Variants in SEPSECS observed in about 807,000 individuals in gnomAD.
SEPSECS encodes O-phosphoseryl-tRNA(Sec) selenium transferase.
In SEPSECS, 42 loss-of-function variants were observed where a neutral mutation model predicts 52.1. That is an observed-to-expected ratio of 0.81 (90% CI 0.63 to 1.04). SEPSECS has a LOEUF of 1.04. SEPSECS is among the 50% of genes least tolerant of loss of function. The pLI is 0.00. For synonymous variants in SEPSECS, 216 were observed against 211.4 expected (o/e 1.02, Z -0.19); for missense variants, 590 against 610.6 (o/e 0.97, Z 0.36).
At chr4:25,156,998 C>T in intron 2 of SEPSECS, 24 bp from the exon 3 acceptor site, 1 of 1,215,376 alleles carries the variant, frequency 8.2e-7, no homozygotes, top group Non-Finnish European at 1.2e-6. Context: ...GGGCCAAAAA[C>T]TGGACAAATA....
intron 8 of SEPSECS, among the ~76,000 whole-genome samples, chr4:25,138,914 A>G (rs984660171): frequency 1.3e-5 from 2 of 152,164 alleles, no homozygotes; most frequent in Non-Finnish European, 2.9e-5. Flanking sequence ...CAAAACATAA[A>G]CTCTCAAATA....
chr4:25,138,104 T>C (rs1329270030), intron 8 of SEPSECS, among the ~76,000 whole-genome samples: 1 of 152,090 alleles, frequency 6.6e-6, no homozygotes, highest in Non-Finnish European at 1.5e-5. Context: ...AAATAGCTAA[T>C]GCGTGCTGGG....
upstream of SEPSECS, chr4:25,160,516 A>C (rs1560339778): frequency 6.1e-6 from 4 of 657,594 alleles, no homozygotes; most frequent in East Asian, 2.9e-5. Flanking sequence ...AACAAAAAAA[A>C]CACTTCTCGT....
At chr4:25,132,446 G>GC (rs1163228842) in intron 8 of SEPSECS, among the ~76,000 whole-genome samples, 1 of 152,074 alleles carries the variant, frequency 6.6e-6, no homozygotes, top group Non-Finnish European at 1.5e-5. Flanking sequence ...CAGTTCAAAA[G>GC]CAAGTCCATT....
chr4:25,121,533 T>C lies in SEPSECS; in HGVS notation c.*2398A>G, dbSNP rs997635068. On this transcript the variant is annotated 3_prime_UTR_variant, in exon 11 of 11. Transcript: ENST00000382103. Reference sequence around the variant, plus strand: ...CTTACCAATCAGTACTAGCGAATTATAATAAATACATCCTTTTTAATACTT... The same window carrying C: ...CTTACCAATCAGTACTAGCGAATTACAATAAATACATCCTTTTTAATACTT... 1 of 152,174 alleles carries C rather than the reference T, an allele frequency of 6.6e-6. No homozygotes were observed. The highest frequency in any genetic ancestry group is 2.4e-5 in the African/African-American group (1 of 41,454). 9.4% of individuals were successfully genotyped at this position (152,174 alleles called of 1,614,324 possible). A position where few individuals can be genotyped will look rare whatever the true frequency, so the allele number is the denominator to read the frequency against.
chr4:25,148,270 G>A (rs573164561), intron 6 of SEPSECS, among the ~76,000 whole-genome samples: 14 of 150,384 alleles, frequency 9.3e-5, no homozygotes, highest in Admixed American at 2.0e-4. Flanking sequence ...GGAGAATGGC[G>A]TGAACCTGGG....
chr4:25,129,394 C>A (rs1383089000), intron 8 of SEPSECS, among the ~76,000 whole-genome samples: 1 of 151,836 alleles, frequency 6.6e-6, no homozygotes, highest in Non-Finnish European at 1.5e-5. Flanking sequence ...GAGGCTGAGG[C>A]AGGTGGATCA....
rs772393654 is a variant in SEPSECS, at chr4:25,160,262, C to T, written c.108G>A (p.Leu36=). 6.4e-7 allele frequency: 1 copy of T among 1,555,538 alleles called. No homozygotes were observed. The highest frequency in any genetic ancestry group is 1.7e-4 in the Middle Eastern group (1 of 5,984). The change falls in exon 1 of 11, where the codon CTG becomes CTA. Residue 36 remains leucine, a synonymous_variant. Transcript: ENST00000382103. ...RSHEHLIRLL[L]EKGKCPENGW... is the part of the protein sequence containing the mutation. ...GGGACCGACAGCTCGGTACCTTCTC[C>T]AGAAGCAGCCGTATGAGGTGCTCAT...
intron 3 of SEPSECS, among the ~76,000 whole-genome samples, chr4:25,156,562 G>A (rs1406095446): frequency 2.0e-5 from 3 of 151,502 alleles, no homozygotes; most frequent in Non-Finnish European, 1.5e-5. Context: ...AAAAAAATTA[G>A]CCAGGCGTGG....
chr4:25,145,207 C>T (rs1333827456), intron 6 of SEPSECS, 74 bp from the exon 7 acceptor site: 3 of 1,460,332 alleles, frequency 2.1e-6, no homozygotes, highest in African/African-American at 1.4e-5. Context: ...AATACCACAA[C>T]AAAAAATTAT....
chr4:25,136,375 T>C (rs1455549046), intron 8 of SEPSECS, among the ~76,000 whole-genome samples: 1 of 152,128 alleles, frequency 6.6e-6, no homozygotes, highest in Non-Finnish European at 1.5e-5. Flanking sequence ...ATAAAATCAA[T>C]GTGCAAAAAT....
At position 25,123,662 on chromosome 4, in the gene SEPSECS, G is replaced by A. The variant is rs1440335536; in HGVS notation, c.*269C>T. ...GTCATTACACTAGTAAAAATTATCT[G>A]AGTCATGATGCTTAATTGACAGATA... On this transcript the variant is annotated 3_prime_UTR_variant, in exon 11 of 11. Transcript: ENST00000382103. 2.2e-6 allele frequency: 1 copy of A among 451,672 alleles called. No homozygotes were observed. Among genetic ancestry groups the A allele is most frequent in the Non-Finnish European group, 4.0e-6 (1 of 248,070 alleles). The allele number at this position is 451,672 out of a possible 1,614,324, so 28.0% of individuals were successfully genotyped here. A position where few individuals can be genotyped will look rare whatever the true frequency, so the allele number is the denominator to read the frequency against.
intron 3 of SEPSECS, 149 bp downstream of exon 3, chr4:25,156,707 C>CAAAAAAAAAAAAAAAAAAA (rs34542574): frequency 5.5e-6 from 1 of 181,132 alleles, no homozygotes; most frequent in African/African-American, 7.3e-5. Context: ...GACTCCGTCT[C>CAAAAAAAAAAAAAAAAAAA]AAAAAAAAAA....
intron 6 of SEPSECS, among the ~76,000 whole-genome samples, chr4:25,150,118 A>C (rs1560332925): frequency 6.6e-6 from 1 of 152,250 alleles, no homozygotes; most frequent in Admixed American, 6.5e-5. Context: ...TTTATGTAAA[A>C]GATGATATTA....
chr4:25,145,773 T>C (rs556659781), intron 6 of SEPSECS, among the ~76,000 whole-genome samples: 1 of 152,302 alleles, frequency 6.6e-6, no homozygotes, highest in South Asian at 2.1e-4. Flanking sequence ...AAACAGTTAA[T>C]TATACATGTG....
At chr4:25,151,700 T>C (rs1443397495) in intron 6 of SEPSECS, among the ~76,000 whole-genome samples, 1 of 152,110 alleles carries the variant, frequency 6.6e-6, no homozygotes, top group African/African-American at 2.4e-5. Context: ...TGAAACAGTC[T>C]CAGAAAGTTA....
intron 6 of SEPSECS, among the ~76,000 whole-genome samples, chr4:25,151,263 T>A (rs1712284942): frequency 6.6e-6 from 1 of 152,004 alleles, no homozygotes; most frequent in African/African-American, 2.4e-5. Context: ...AGAAGAGCAA[T>A]CCAGCAAGTG....
intron 1 of SEPSECS, 24 bp from the exon 2 acceptor site, chr4:25,159,131 G>C: frequency 2.1e-6 from 3 of 1,430,414 alleles, no homozygotes; most frequent in Non-Finnish European, 2.9e-6. Flanking sequence ...AAAAACTTAT[G>C]ATTATATTTA....
chr4:25,156,589 T>G (rs1436528215), intron 3 of SEPSECS, among the ~76,000 whole-genome samples: 3 of 150,392 alleles, frequency 2.0e-5, no homozygotes, highest in African/African-American at 7.3e-5. Context: ...GCACCTGTAG[T>G]CCCAGCTGCT....
Sources: gnomAD v4.1 joint callset for allele counts (sites outside exome capture counted in the v4.1 genomes callset) on GRCh38, gnomAD v4.1.1 for gene constraint, MANE v1.5 for transcripts, NCBI Gene and HGNC (gene_info 2026-07-23, HGNC 2026-07-21) for gene names.